Variants in CDH4 observed in about 807,000 individuals in gnomAD.
The protein encoded by CDH4 is cadherin 4.
Under a neutral mutation model 86.0 loss-of-function variants are expected in CDH4, and 33 were observed. That is an observed-to-expected ratio of 0.38 (90% CI 0.29 to 0.51). The LOEUF is 0.51. Ranked by LOEUF, CDH4 falls within the 20% of genes least tolerant of loss-of-function variation. The pLI, the probability that CDH4 is intolerant of heterozygous loss-of-function variation, is 0.86. For synonymous variants in CDH4, 555 were observed against 549.4 expected, an observed-to-expected ratio of 1.01 and a Z score of -0.14; for missense variants, 1,114 against 1,307.4, an observed-to-expected ratio of 0.85 and a Z score of 2.28.
intron 2 of CDH4, among the ~76,000 whole-genome samples, chr20:61,381,177 T>A (rs144120419): frequency 1.3e-5 from 2 of 152,304 alleles, no homozygotes; most frequent in Non-Finnish European, 2.9e-5. Flanking sequence ...CCTGCGCTCC[T>A]TAATGCGTCT....
chr20:61,253,758 G>C (rs912697904), intron 1 of CDH4, among the ~76,000 whole-genome samples: 11 of 152,164 alleles, frequency 7.2e-5, no homozygotes, highest in African/African-American at 1.7e-4. Flanking sequence ...CCGCGGTGCC[G>C]GCGTCGGGAA....
At chr20:61,929,330 G>GT in intron 12 of CDH4, among the ~76,000 whole-genome samples, 1 of 152,268 alleles carries the variant, frequency 6.6e-6, no homozygotes, top group East Asian at 1.9e-4. Context: ...TAGAGACAGG[G>GT]TTTTGCCATG....
At chr20:61,580,122 C>CA (rs112380204) in intron 2 of CDH4, among the ~76,000 whole-genome samples, 6,329 of 139,448 alleles carry the variant, frequency 0.045, 356 homozygotes, top group African/African-American at 0.13. Context: ...TACACTGCTA[C>CA]AAAAAAAAAA....
chr20:61,266,898 C>A (rs2084160886), intron 2 of CDH4, among the ~76,000 whole-genome samples: 1 of 152,178 alleles, frequency 6.6e-6, no homozygotes, highest in Admixed American at 6.5e-5. Flanking sequence ...GTTTCAGAAT[C>A]TCTAGATGAG....
chr20:61,408,223 T>A (rs1176033601), intron 2 of CDH4, among the ~76,000 whole-genome samples: 1 of 152,120 alleles, frequency 6.6e-6, no homozygotes, highest in Non-Finnish European at 1.5e-5. Flanking sequence ...CATCTCGAAC[T>A]CCTTAACTTC....
intron 2 of CDH4, among the ~76,000 whole-genome samples, chr20:61,346,820 C>T (rs527629353): frequency 6.6e-6 from 1 of 151,992 alleles, no homozygotes; most frequent in Admixed American, 6.6e-5. Context: ...GGAAGCCAGG[C>T]TCTGCGCTAT....
At chr20:61,574,164 G>T (rs1192460890) in intron 2 of CDH4, among the ~76,000 whole-genome samples, 1 of 152,240 alleles carries the variant, frequency 6.6e-6, no homozygotes, top group Non-Finnish European at 1.5e-5. Context: ...GACCACAAAG[G>T]TGCCTTCCCT....
Position 61,743,672 on chromosome 20 carries a change from C to T in CDH4, c.279C>T (p.Val93=). 2 of 1,604,168 alleles carry T rather than the reference C, an allele frequency of 1.2e-6. No homozygotes were observed. The highest frequency in any genetic ancestry group is 1.7e-6 in the Non-Finnish European group (2 of 1,175,600). Residue 93 remains valine (V), a synonymous_variant, in exon 3 of 16, where the codon GTC becomes GTT. Transcript: ENST00000614565. The stretch of plus-strand genomic sequence containing the variant: ...TCTTCGCCACCCGGGAGCTGCAGGT[C>T]CCCTCCGAGCAGGTGGCGTTCACGG... ...GTVFATRELQ[V]PSEQVAFTVT... is the part of the protein sequence containing the mutation.
intron 2 of CDH4, among the ~76,000 whole-genome samples, chr20:61,614,826 G>A (rs531237142): frequency 2.6e-5 from 4 of 152,178 alleles, no homozygotes; most frequent in Non-Finnish European, 5.9e-5. Flanking sequence ...GGATGGGGAT[G>A]AGGGTCACCT....
intron 3 of CDH4, among the ~76,000 whole-genome samples, chr20:61,769,429 A>AC (rs2088748046): frequency 6.6e-6 from 1 of 151,650 alleles, no homozygotes. Context: ...CATCACTGAG[A>AC]CCCCCTTTTC....
intron 2 of CDH4, among the ~76,000 whole-genome samples, chr20:61,284,192 G>A (rs1468095405): frequency 6.6e-6 from 1 of 151,474 alleles, no homozygotes; most frequent in Non-Finnish European, 1.5e-5. Context: ...GTGGGTGCCT[G>A]TAGTCCCAGC....
At chr20:61,550,526 A>G (rs1490761586) in intron 2 of CDH4, among the ~76,000 whole-genome samples, 1 of 144,002 alleles carries the variant, frequency 6.9e-6, no homozygotes, top group African/African-American at 2.6e-5. Context: ...AACTGGTCCC[A>G]CCCCATCTAC....
chr20:61,573,200 T>G (rs2086357484), intron 2 of CDH4, among the ~76,000 whole-genome samples: 1 of 152,128 alleles, frequency 6.6e-6, no homozygotes, highest in Admixed American at 6.5e-5. Flanking sequence ...CTATTTCAGC[T>G]GAGTGTTAAA....
chr20:61,888,984 T>C (rs373098373), intron 7 of CDH4, among the ~76,000 whole-genome samples: 42 of 152,324 alleles, frequency 2.8e-4, no homozygotes, highest in African/African-American at 9.6e-4. Flanking sequence ...TGCTTTTTTA[T>C]TGTTCTCTCC....
intron 2 of CDH4, among the ~76,000 whole-genome samples, chr20:61,639,349 A>T (rs11907439): frequency 0.07 from 10,665 of 152,200 alleles, 514 homozygotes; most frequent in African/African-American, 0.12. Context: ...AGACTGGCAG[A>T]CACTGACTCC....
chr20:61,604,553 A>G (rs2086627728), intron 2 of CDH4, among the ~76,000 whole-genome samples: 1 of 151,484 alleles, frequency 6.6e-6, no homozygotes, highest in Non-Finnish European at 1.5e-5. Flanking sequence ...TGTAGAAATC[A>G]TCTCCCCACC....
At chr20:61,273,987 A>ATG (rs2084206097) in intron 2 of CDH4, among the ~76,000 whole-genome samples, 2 of 94,116 alleles carry the variant, frequency 2.1e-5, no homozygotes, top group Admixed American at 1.2e-4. Flanking sequence ...GGTACCATGC[A>ATG]CAGTTTGGGA....
At chr20:61,912,883 C>T (rs1415515070) in intron 9 of CDH4, among the ~76,000 whole-genome samples, 3 of 152,230 alleles carry the variant, frequency 2.0e-5, no homozygotes, top group Non-Finnish European at 1.5e-5. Context: ...AACATTCTAG[C>T]TCTGGCCTCT....
At chr20:61,283,715 C>A (rs1032821511) in intron 2 of CDH4, among the ~76,000 whole-genome samples, 5 of 152,364 alleles carry the variant, frequency 3.3e-5, no homozygotes, top group Admixed American at 2.6e-4. Context: ...GTAAACCAGA[C>A]AGCACATCTC....
Sources: allele counts gnomAD v4.1 joint callset (sites outside exome capture counted in the v4.1 genomes callset), GRCh38; gene constraint gnomAD v4.1.1; transcripts MANE v1.5; gene names NCBI Gene and HGNC (gene_info 2026-07-23, HGNC 2026-07-21).